Variants in CFAP20DC observed in about 807,000 individuals in gnomAD.
CFAP20DC encodes protein CFAP20DC.
In CFAP20DC, 84 loss-of-function variants were observed where a neutral mutation model predicts 101.7. The observed-to-expected ratio is 0.83, with a 90% CI of 0.69 to 0.99. The LOEUF (loss-of-function observed/expected upper bound fraction) is 0.99, where lower values mean the gene tolerates loss of function less well. Ranked by LOEUF, CFAP20DC falls within the 50% of genes least tolerant of loss-of-function variation. CFAP20DC has a pLI of 0.00. For missense variants in CFAP20DC, 1,007 were observed against 970.3 expected, an observed-to-expected ratio of 1.04 and a Z score of -0.50; for synonymous variants, 359 against 351.2, an observed-to-expected ratio of 1.02 and a Z score of -0.25.
chr3:59,022,024 G>T (rs2093812343), intron 4 of CFAP20DC, among the ~76,000 whole-genome samples: 1 of 152,044 alleles, frequency 6.6e-6, no homozygotes, highest in Admixed American at 6.6e-5. Context: ...CCCAAGCAAA[G>T]AATCTGACTT....
chr3:58,823,498 T>C (rs1162594103), intron 14 of CFAP20DC, among the ~76,000 whole-genome samples: 1 of 152,204 alleles, frequency 6.6e-6, no homozygotes, highest in Non-Finnish European at 1.5e-5. Context: ...TCTTGGTAGA[T>C]ATGATCTTAT....
Position 58,899,688 on chromosome 3 carries a change from T to G in CFAP20DC, c.550+14020A>C, listed in dbSNP as rs1040375526. Among the ~76,000 whole-genome samples, 1 of 152,174 alleles carries G rather than the reference T, an allele frequency of 6.6e-6. No homozygotes were observed. Among genetic ancestry groups the G allele is most frequent in the Admixed American group, 6.5e-5 (1 of 15,282 alleles). Reference sequence around the variant, plus strand: ...AGGGGTGTGGTTTCCTGGGCAGGACTGCACAATCACTCACCGCTTCCCTTG... The same window carrying G: ...AGGGGTGTGGTTTCCTGGGCAGGACGGCACAATCACTCACCGCTTCCCTTG... On this transcript the variant is annotated intron_variant, in intron 6 of 16. Coordinates refer to ENST00000482387, the MANE Select transcript of CFAP20DC (RefSeq NM_001394063.1). The surrounding 1 kb of genome is among the most constrained non-coding windows in gnomAD (Gnocchi z 5.0).
rs538980702 is a variant in CFAP20DC, at chr3:58,793,531, G to A, written c.2237+12864C>T. Among the ~76,000 whole-genome samples, 7 of 152,194 alleles carry A rather than the reference G, an allele frequency of 4.6e-5. No homozygotes were observed. The East Asian group carries it at 1.2e-3, about 25-fold the overall frequency. On this transcript the variant is annotated intron_variant, in intron 15 of 16. Coordinates refer to ENST00000482387, the MANE Select transcript of CFAP20DC (RefSeq NM_001394063.1). ...GTTTCAATAGGAGTGTTGTTGAAAA[G>A]GTTGGAAGAGGGCAGATGGCAAAAA... is the stretch of plus-strand genomic sequence containing the variant.
At position 58,913,819 on chromosome 3, in the gene CFAP20DC, A is replaced by G; in HGVS notation, c.439T>C (p.Phe147Leu). 6.2e-7 allele frequency: 1 copy of G among 1,613,680 alleles called. No homozygotes were observed. The highest frequency in any genetic ancestry group is 1.1e-5 in the South Asian group (1 of 91,074). ...AATGACTGGAAAACTGCCCCCTTGA[A>G]TATTTCACTGGTGAATGCTACTAAG... ...IDLVAFTSEI[F>L]KGAVFQSLDG... Residue 147 changes from phenylalanine to leucine, a missense_variant, in exon 6 of 17, where the codon TTC (phenylalanine) becomes CTC (leucine). Transcript: ENST00000482387. The surrounding 1 kb of genome is among the most constrained non-coding windows in gnomAD (Gnocchi z 4.4).
intron 14 of CFAP20DC, among the ~76,000 whole-genome samples, chr3:58,827,028 C>G (rs1008010439): frequency 1.3e-5 from 2 of 152,042 alleles, no homozygotes; most frequent in Admixed American, 6.6e-5. Flanking sequence ...CTGTATGATA[C>G]TATAATGGTA....
At chr3:58,988,453 G>T (rs2092824154) in intron 4 of CFAP20DC, among the ~76,000 whole-genome samples, 1 of 152,122 alleles carries the variant, frequency 6.6e-6, no homozygotes, top group Non-Finnish European at 1.5e-5. Flanking sequence ...GCTTATTCTG[G>T]TAACTCAGGG....
intron 7 of CFAP20DC, among the ~76,000 whole-genome samples, chr3:58,872,515 C>A (rs1232986166): frequency 1.3e-5 from 2 of 152,084 alleles, no homozygotes; most frequent in African/African-American, 4.8e-5. Context: ...ATAGATAAAT[C>A]TGAAGATAAA....
At chr3:58,981,208 A>AAGT (rs1261836435) in intron 4 of CFAP20DC, among the ~76,000 whole-genome samples, 7 of 152,078 alleles carry the variant, frequency 4.6e-5, no homozygotes, top group Non-Finnish European at 8.8e-5. Flanking sequence ...AATAAAAAAG[A>AAGT]ATACAAACAA....
At chr3:58,751,291 G>C (rs1300195618) in intron 16 of CFAP20DC, among the ~76,000 whole-genome samples, 1 of 152,206 alleles carries the variant, frequency 6.6e-6, no homozygotes, top group Non-Finnish European at 1.5e-5. Flanking sequence ...ATGTTAGAAG[G>C]TGAAGTGAGA....
chr3:58,813,095 G>C (rs1220548482), intron 14 of CFAP20DC, among the ~76,000 whole-genome samples: 1 of 151,702 alleles, frequency 6.6e-6, no homozygotes, highest in Non-Finnish European at 1.5e-5. Flanking sequence ...GTAAATCTTA[G>C]GTCAAGGCAG....
At chr3:58,748,202 G>C (rs762918409) in intron 16 of CFAP20DC, among the ~76,000 whole-genome samples, 1 of 152,116 alleles carries the variant, frequency 6.6e-6, no homozygotes, top group Non-Finnish European at 1.5e-5. Context: ...TTTGTTACAC[G>C]TGAAGGAGGG....
At chr3:58,802,535 T>C (rs1469292437) in intron 15 of CFAP20DC, among the ~76,000 whole-genome samples, 1 of 152,134 alleles carries the variant, frequency 6.6e-6, no homozygotes, top group Non-Finnish European at 1.5e-5. Context: ...TAGGAAAAAA[T>C]AATGGAAAAT....
At chr3:58,718,896 G>A (rs1235281896) in intron 3 of CFAP20DC, among the ~76,000 whole-genome samples, 1 of 152,138 alleles carries the variant, frequency 6.6e-6, no homozygotes, top group Non-Finnish European at 1.5e-5. Flanking sequence ...AGTTCTGATT[G>A]GTTTTAGCAT....
intron 4 of CFAP20DC, among the ~76,000 whole-genome samples, chr3:59,005,590 A>G (rs891600527): frequency 7.9e-5 from 12 of 152,336 alleles, no homozygotes; most frequent in African/African-American, 2.9e-4. Flanking sequence ...TTCATTTTAT[A>G]TCACTTTAGA....
chr3:59,031,329 A>G (rs559009205), intron 4 of CFAP20DC, among the ~76,000 whole-genome samples: 1 of 152,300 alleles, frequency 6.6e-6, no homozygotes, highest in Non-Finnish European at 1.5e-5. Context: ...TGCTTCTGAT[A>G]GGGAGATAAG....
intron 13 of CFAP20DC, among the ~76,000 whole-genome samples, chr3:58,842,467 A>C (rs1367567192): frequency 1.3e-5 from 2 of 151,924 alleles, no homozygotes. Context: ...CGGCTTAAAA[A>C]ACGGCGCACC....
chr3:58,823,842 TTTCA>T (rs1371543977), intron 14 of CFAP20DC, among the ~76,000 whole-genome samples: 4 of 152,330 alleles, frequency 2.6e-5, no homozygotes, highest in Admixed American at 6.5e-5. Flanking sequence ...CATAAATTAA[TTTCA>T]TTGTTTTCAT....
downstream of CFAP20DC, chr3:58,737,221 A>G (rs1267275051): frequency 4.4e-6 from 2 of 456,368 alleles, no homozygotes; most frequent in Non-Finnish European, 8.8e-6. The surrounding 1 kb of genome is among the most constrained non-coding windows in gnomAD (Gnocchi z 4.1). Flanking sequence ...AGTGTGTGAA[A>G]TATCTGGGCA....
chr3:58,786,620 G>A (rs932558843), intron 15 of CFAP20DC, among the ~76,000 whole-genome samples: 2 of 151,778 alleles, frequency 1.3e-5, no homozygotes, highest in Admixed American at 6.6e-5. Context: ...CAGATCGTCC[G>A]TGATAGTATC....
Sources: allele counts gnomAD v4.1 joint callset (sites outside exome capture counted in the v4.1 genomes callset), GRCh38; gene constraint gnomAD v4.1.1; non-coding constraint Gnocchi (gnomAD v3.1); transcripts MANE v1.5; gene names NCBI Gene and HGNC (gene_info 2026-07-23, HGNC 2026-07-21).